The following PRKN variants were observed in gnomAD, a reference collection of about 807,000 sequenced individuals.
PRKN encodes the protein E3 ubiquitin-protein ligase parkin.
PRKN carries 56 observed loss-of-function variants against 59.5 expected under a neutral mutation model. The ratio of observed to expected loss-of-function variants is 0.94; its 90% CI spans 0.76 to 1.18. The LOEUF (loss-of-function observed/expected upper bound fraction) is 1.18. Among genes scored for constraint, PRKN ranks in the 50% most tolerant of loss-of-function variants. PRKN has a pLI of 0.00. For synonymous variants in PRKN, 250 were observed against 222.1 expected (o/e 1.13, Z -1.12); for missense variants, 657 against 596.4 (o/e 1.10, Z -1.06).
At chr6:162,232,499 T>C (rs1298339006) in intron 3 of PRKN, among the ~76,000 whole-genome samples, 2 of 152,218 alleles carry the variant, frequency 1.3e-5, no homozygotes, top group African/African-American at 2.4e-5. Context: ...TGGACCCTTT[T>C]CCTCAGAAGT....
intron 2 of PRKN, among the ~76,000 whole-genome samples, chr6:162,437,502 T>C (rs537551991): frequency 3.8e-4 from 58 of 152,280 alleles, no homozygotes; most frequent in African/African-American, 1.4e-3. Flanking sequence ...ACTATAAGCA[T>C]TGTTACAGTC....
intron 2 of PRKN, among the ~76,000 whole-genome samples, chr6:162,359,079 A>AAAAAAAAAAAATACATATATATAT (rs57265104): frequency 1.2e-5 from 1 of 83,274 alleles, no homozygotes; most frequent in African/African-American, 7.3e-5. Context: ...AAAAAAAAAA[A>AAAAAAAAAAAATACATATATATAT]ATATATATAT....
intron 1 of PRKN, among the ~76,000 whole-genome samples, chr6:162,492,640 C>T (rs765288319): frequency 6.6e-6 from 1 of 151,690 alleles, no homozygotes; most frequent in Non-Finnish European, 1.5e-5. Flanking sequence ...CCCCTCTCTA[C>T]TAAAAAATAC....
intron 9 of PRKN, among the ~76,000 whole-genome samples, chr6:161,411,168 T>C (rs1171128614): frequency 6.6e-6 from 1 of 152,128 alleles, no homozygotes; most frequent in Non-Finnish European, 1.5e-5. Flanking sequence ...GTCAGTGACA[T>C]GGCTTGGCTG....
At chr6:162,592,690 A>C (rs550684377) in intron 1 of PRKN, among the ~76,000 whole-genome samples, 340 of 152,272 alleles carry the variant, frequency 2.2e-3, no homozygotes, top group African/African-American at 7.9e-3. Context: ...AAATAAAACC[A>C]AGTAGGTACC....
intron 1 of PRKN, among the ~76,000 whole-genome samples, chr6:162,608,952 C>T (rs1290445734): frequency 6.6e-6 from 1 of 152,098 alleles, no homozygotes; most frequent in Non-Finnish European, 1.5e-5. Context: ...CTCCACGTTT[C>T]CTGGGAGTGG....
chr6:162,109,087 G>T (rs1027231263), intron 4 of PRKN, among the ~76,000 whole-genome samples: 25 of 152,112 alleles, frequency 1.6e-4, no homozygotes, highest in African/African-American at 5.6e-4. Context: ...CTAGAAAAGG[G>T]TCACCAAGTT....
chr6:162,345,170 C>T (rs1784344846), intron 2 of PRKN, among the ~76,000 whole-genome samples: 1 of 152,216 alleles, frequency 6.6e-6, no homozygotes, highest in Non-Finnish European at 1.5e-5. Flanking sequence ...AATTGCTCCT[C>T]ACATATCAGC....
At chr6:161,790,446 T>C (rs1016576749) in intron 6 of PRKN, among the ~76,000 whole-genome samples, 1 of 152,332 alleles carries the variant, frequency 6.6e-6, no homozygotes, top group Non-Finnish European at 1.5e-5. Flanking sequence ...ATGGTCTGAA[T>C]GTTTGTGTTC....
Position 161,554,401 on chromosome 6 carries a change from T to TACACACAC in PRKN, c.934-5399_934-5398insGTGTGTGT, listed in dbSNP as rs1486650809. 2.5e-5 allele frequency among the ~76,000 whole-genome samples: 1 copy of TACACACAC among 39,304 alleles called. No individual in the cohort carries two copies. The highest frequency in any genetic ancestry group is 1.1e-4 in the African/African-American group (1 of 8,708). The allele number at this position is 39,304 out of a possible 152,430, so 25.8% of individuals were successfully genotyped here. On this transcript the variant is annotated intron_variant, in intron 8 of 11. Coordinates refer to ENST00000366898, the MANE Select transcript of PRKN (RefSeq NM_004562.3). This position sits in a 1 kb window ranked among gnomAD's most constrained non-coding sequence, Gnocchi z 4.5. ...CTTAACCTTCATGTTATCTTACTTC[T>TACACACAC]ATACACACACACACACACACACACA...
chr6:162,163,553 G>C (rs562053490), intron 4 of PRKN, among the ~76,000 whole-genome samples: 14 of 149,410 alleles, frequency 9.4e-5, no homozygotes, highest in Non-Finnish European at 2.1e-4. Context: ...AGCGATGAGT[G>C]ATGAAAAAGA....
chr6:162,444,384 G>A (rs780132075), intron 1 of PRKN, among the ~76,000 whole-genome samples: 2 of 151,760 alleles, frequency 1.3e-5, no homozygotes, highest in Non-Finnish European at 2.9e-5. Context: ...TCACACTGTC[G>A]GCTGGTGAGG....
intron 6 of PRKN, among the ~76,000 whole-genome samples, chr6:161,872,590 G>A (rs1794386440): frequency 6.6e-6 from 1 of 152,132 alleles, no homozygotes; most frequent in South Asian, 2.1e-4. Context: ...TGGTCACACA[G>A]AGGGCATTTA....
chr6:162,539,289 AT>A (rs1203209112), intron 1 of PRKN, among the ~76,000 whole-genome samples: 21 of 152,222 alleles, frequency 1.4e-4, no homozygotes, highest in African/African-American at 3.6e-4. Flanking sequence ...TTGGGATGCT[AT>A]AATTTTCATC....
chr6:162,037,808 G>A (rs573978739), intron 5 of PRKN, among the ~76,000 whole-genome samples: 1 of 152,036 alleles, frequency 6.6e-6, no homozygotes, highest in Non-Finnish European at 1.5e-5. Flanking sequence ...GCCTCCCAAA[G>A]TGCTGGGATT....
At position 162,622,771 on chromosome 6, in the gene PRKN, G is replaced by T. The variant is rs571206360; in HGVS notation, c.7+104891C>A. 5.9e-5 allele frequency among the ~76,000 whole-genome samples: 9 copies of T among 152,290 alleles called. No homozygotes were observed. In the South Asian group the frequency reaches 1.7e-3, roughly 28 times the overall value. On this transcript the variant is annotated intron_variant, in intron 1 of 11. Coordinates refer to ENST00000366898, the MANE Select transcript of PRKN (RefSeq NM_004562.3). ...GGAATGAAAGACATGTCAACACTCA[G>T]AACATTCTGTGGGTTTCATGAGCGG...
At chr6:161,975,198 G>A (rs1417378618) in intron 5 of PRKN, among the ~76,000 whole-genome samples, 1 of 146,324 alleles carries the variant, frequency 6.8e-6, no homozygotes, top group Non-Finnish European at 1.5e-5. Flanking sequence ...CCATTCTCCT[G>A]CCTCAGCCTC....
intron 6 of PRKN, among the ~76,000 whole-genome samples, chr6:161,793,381 T>C (rs535560130): frequency 5.3e-5 from 8 of 152,168 alleles, no homozygotes; most frequent in Non-Finnish European, 1.0e-4. Flanking sequence ...CTCTGCTGCA[T>C]GGAAGAGGGT....
chr6:162,116,437 T>C (rs1414482203), intron 4 of PRKN, among the ~76,000 whole-genome samples: 1 of 152,180 alleles, frequency 6.6e-6, no homozygotes, highest in East Asian at 1.9e-4. Context: ...AGGGACGACA[T>C]CATAAAGATG....
Sources: gnomAD v4.1 joint callset for allele counts (sites outside exome capture counted in the v4.1 genomes callset) on GRCh38, gnomAD v4.1.1 for gene constraint, Gnocchi (gnomAD v3.1) non-coding constraint, MANE v1.5 for transcripts, NCBI Gene and HGNC (gene_info 2026-07-23, HGNC 2026-07-21) for gene names.